Variants in RAET1G observed in about 807,000 individuals in gnomAD.
RAET1G encodes retinoic acid early transcript 1G, also known as UL-16 binding protein 5.
A neutral mutation model predicts 29.5 loss-of-function variants in RAET1G; 25 were observed. The ratio of observed to expected loss-of-function variants is 0.85; its 90% confidence interval spans 0.62 to 1.18. The LOEUF (loss-of-function observed/expected upper bound fraction) is 1.18, where lower values mean the gene tolerates loss of function less well. Among genes scored for constraint, RAET1G ranks in the 50% most tolerant of loss-of-function variants. RAET1G has a pLI of 0.00. For synonymous variants in RAET1G, 167 were observed against 159.5 expected, an observed-to-expected ratio of 1.05 and a Z score of -0.36; for missense variants, 434 against 423.6, an observed-to-expected ratio of 1.02 and a Z score of -0.22.
In RAET1G at chr6:149,919,327, G is replaced by T. The variant is rs916956109; in HGVS notation, c.350-3C>A. Reference sequence around the variant, plus strand: ...CCTGGCCTGCAGGGTGAGGGGTTCTGCCCCCATCAAAGAGAGATCAGCTCT... The same window carrying T: ...CCTGGCCTGCAGGGTGAGGGGTTCTTCCCCCATCAAAGAGAGATCAGCTCT... On this transcript the variant is annotated splice_polypyrimidine_tract_variant and splice_region_variant and intron_variant, in intron 2 of 4. Coordinates refer to ENST00000367360, the MANE Select transcript of RAET1G (RefSeq NM_001001788.4). The T allele has an allele frequency of 6.2e-6, 10 of 1,612,150 alleles. No individual in the cohort carries two copies. In the Admixed American group the frequency reaches 1.2e-4, roughly 19 times the overall value.
intron 1 of RAET1G, among the ~76,000 whole-genome samples, chr6:149,921,206 G>C (rs149289289): frequency 6.6e-6 from 1 of 152,172 alleles, no homozygotes; most frequent in Admixed American, 6.5e-5. Flanking sequence ...ATGAATGAGC[G>C]AGGCTGGACC....
chr6:149,921,586 G>A (rs756466804), intron 1 of RAET1G, among the ~76,000 whole-genome samples: 13 of 152,176 alleles, frequency 8.5e-5, no homozygotes, highest in African/African-American at 2.2e-4. Context: ...AGTTGGCCCC[G>A]ATTCCCAGGA....
intron 3 of RAET1G, 118 bp downstream of exon 3, chr6:149,918,925 A>C: frequency 6.6e-7 from 1 of 1,518,976 alleles, no homozygotes; most frequent in Non-Finnish European, 8.9e-7. Context: ...CCCCACGAGG[A>C]GGTCATTTTA....
intron 1 of RAET1G, among the ~76,000 whole-genome samples, chr6:149,922,152 A>G (rs1007116865): frequency 6.6e-6 from 1 of 152,192 alleles, no homozygotes. Context: ...CAGAGTTCCC[A>G]GGGTCATCCT....
Position 149,918,357 on chromosome 6 carries a change from G to T in RAET1G, c.659C>A (p.Ala220Asp). ...GAPPTMSSGT[A>D]QPRATATTLI... ...GGTGGTGGCCGTGGCCCTGGGTTGG[G>T]CTGTGCCTGAGGACATGGTGGGTGG... Residue 220 changes from alanine to aspartate, a missense_variant, in exon 4 of 5, where the codon GCC becomes GAC. Ala to Asp is a moderately radical substitution (Grantham distance 126). Coordinates refer to ENST00000367360, the MANE Select transcript of RAET1G (RefSeq NM_001001788.4). The T allele has an allele frequency of 6.2e-7, 1 of 1,614,140 alleles. No individual in the cohort carries two copies. The highest frequency in any genetic ancestry group is 1.1e-5 in the South Asian group (1 of 91,076).
intron 1 of RAET1G, among the ~76,000 whole-genome samples, chr6:149,920,324 A>G (rs936919876): frequency 6.6e-6 from 1 of 152,168 alleles, no homozygotes; most frequent in Non-Finnish European, 1.5e-5. Flanking sequence ...CTCATCTACT[A>G]TGAGGATGCC....
At chr6:149,920,197 A>G (rs1459059073) in intron 1 of RAET1G, among the ~76,000 whole-genome samples, 1 of 152,088 alleles carries the variant, frequency 6.6e-6, no homozygotes, top group Non-Finnish European at 1.5e-5. Flanking sequence ...TGGGAGCTGC[A>G]CCTGAGGATA....
chr6:149,918,610 AC>A, intron 3 of RAET1G: 2 of 631,270 alleles, frequency 3.2e-6, no homozygotes, highest in Admixed American at 5.8e-5. Flanking sequence ...AGCAAAGCCC[AC>A]CCTCCTGCTG....
chr6:149,917,585 A>G (rs1235147106), intron 4 of RAET1G, among the ~76,000 whole-genome samples: 1 of 152,228 alleles, frequency 6.6e-6, no homozygotes, highest in Non-Finnish European at 1.5e-5. Flanking sequence ...AACACTACAG[A>G]CTAATGATTG....
chr6:149,918,800 T>G (rs1582798610), intron 3 of RAET1G: 1 of 637,452 alleles, frequency 1.6e-6, no homozygotes, highest in Non-Finnish European at 2.7e-6. Flanking sequence ...TCGAGGCTGG[T>G]GAGAAATCCA....
chr6:149,919,625 C>G lies in RAET1G; in HGVS notation c.277G>C (p.Val93Leu), dbSNP rs750006486. Residue 93 changes from valine to leucine, a missense_variant, in exon 2 of 5, where the codon GTA becomes CTA. Transcript: ENST00000367360. Reference protein sequence around the residue: ...VTTAWKAQNPVLREVVDILTE... With the variant: ...VTTAWKAQNPLLREVVDILTE... ...AGTATGTCCACCACCTCTCTCAGTA[C>G]TGGGTTCTGTGCTTTCCAGGCCGTT... The G allele has an allele frequency of 1.9e-6, 3 of 1,614,030 alleles. No homozygotes were observed. The highest frequency in any genetic ancestry group is 2.2e-5 in the South Asian group (2 of 91,080).
chr6:149,920,125 G>A (rs1286718968), intron 1 of RAET1G, among the ~76,000 whole-genome samples: 1 of 152,202 alleles, frequency 6.6e-6, no homozygotes, highest in African/African-American at 2.4e-5. Context: ...AGGAGGAAGG[G>A]CCTGGATGAC....
intron 1 of RAET1G, among the ~76,000 whole-genome samples, chr6:149,922,490 T>A (rs1457165509): frequency 6.6e-6 from 1 of 152,078 alleles, no homozygotes; most frequent in African/African-American, 2.4e-5. Flanking sequence ...GTTTGTGTGG[T>A]TGAGAGCGGG....
rs532355993 is a variant in RAET1G at position 149,917,047 on chromosome 6, A to G, written c.870T>C (p.Ser290=). The change falls in exon 5 of 5, where the codon TCT becomes TCC. Residue 290 remains serine (S), a synonymous_variant. Coordinates refer to ENST00000367360, the MANE Select transcript of RAET1G (RefSeq NM_001001788.4). Reference sequence around the variant, plus strand: ...AAGTCACGCGAGTCACGTGTCCACCAGACAAGGGGCGCTTCGCTATTTGGT... The same window carrying G: ...AAGTCACGCGAGTCACGTGTCCACCGGACAAGGGGCGCTTCGCTATTTGGT... ...DSYQIAKRPL[S]GGHVTRVTLP... is the part of the protein sequence containing the mutation. 7 of 1,549,792 alleles carry G rather than the reference A, an allele frequency of 4.5e-6. No individual in the cohort carries two copies. The East Asian group carries it at 1.2e-4, about 27-fold the overall frequency.
At chr6:149,921,612 C>T (rs73782148) in intron 1 of RAET1G, among the ~76,000 whole-genome samples, 3 of 152,262 alleles carry the variant, frequency 2.0e-5, no homozygotes, top group East Asian at 3.9e-4. Flanking sequence ...CGTGGCTGCA[C>T]CCCCTTACCC....
chr6:149,919,709 C>T lies in RAET1G; in HGVS notation c.193G>A (p.Asp65Asn), dbSNP rs1778551086. 9 of 1,613,960 alleles carry T rather than the reference C, an allele frequency of 5.6e-6. No individual in the cohort carries two copies. The highest frequency in any genetic ancestry group is 5.9e-6 in the Non-Finnish European group (7 of 1,179,880). ...QVDEKTFLHYDCGSKTVTPVS... is the reference protein window; with the variant it reads ...QVDEKTFLHYNCGSKTVTPVS... The stretch of plus-strand genomic sequence containing the variant: ...GGTGTGACTGTCTTGCTGCCACAGT[C>T]ATAGTGAAGAAAAGTCTTTTCATCC... The change falls in exon 2 of 5, where the codon GAC (aspartate) becomes AAC (asparagine). Residue 65 changes from aspartate to asparagine, a missense_variant. Physicochemically the swap from Asp to Asn is conservative, Grantham distance 23. Coordinates refer to ENST00000367360, the MANE Select transcript of RAET1G (RefSeq NM_001001788.4).
At chr6:149,922,268 G>A (rs946597012) in intron 1 of RAET1G, among the ~76,000 whole-genome samples, 8 of 152,202 alleles carry the variant, frequency 5.3e-5, no homozygotes, top group African/African-American at 1.9e-4. Flanking sequence ...GTCACGTGGT[G>A]TAAGAGGTCG....
At position 149,923,047 on chromosome 6, in the gene RAET1G, C is replaced by A; in HGVS notation, c.-37G>T. 1 of 1,495,940 alleles carries A rather than the reference C, an allele frequency of 6.7e-7. No individual in the cohort carries two copies. The highest frequency in any genetic ancestry group is 9.1e-7 in the Non-Finnish European group (1 of 1,099,880). 92.7% of individuals were successfully genotyped at this position (1,495,940 alleles called of 1,614,324 possible). On this transcript the variant is annotated 5_prime_UTR_variant, in exon 1 of 5. Transcript: ENST00000367360. ...ATCGCAGGGGACAGCAGAAGCGAAG[C>A]CCAGCCCGTGGATCACCTGGCGGCT...
At chr6:149,917,364 T>C (rs930084072) in intron 4 of RAET1G, among the ~76,000 whole-genome samples, 2 of 152,160 alleles carry the variant, frequency 1.3e-5, no homozygotes, top group African/African-American at 4.8e-5. Context: ...CTTTTCCCGG[T>C]CTGCTAAGTA....
Sources: gnomAD v4.1 joint callset for allele counts (sites outside exome capture counted in the v4.1 genomes callset) on GRCh38, gnomAD v4.1.1 for gene constraint, MANE v1.5 for transcripts, NCBI Gene and HGNC (gene_info 2026-07-23, HGNC 2026-07-21) for gene names.